Variants in NANS observed in about 807,000 individuals in gnomAD.
NANS encodes the protein N-acetylneuraminate synthase.
Under a neutral mutation model 33.3 loss-of-function variants are expected in NANS, and 29 were observed. The ratio of observed to expected loss-of-function variants is 0.87; its 90% CI spans 0.65 to 1.19. NANS has a LOEUF of 1.19. Ranked by LOEUF, NANS falls within the 50% of genes most tolerant of loss-of-function variation. The pLI is 0.00. For synonymous variants in NANS, 163 were observed against 177.2 expected, an observed-to-expected ratio of 0.92 and a Z score of 0.64; for missense variants, 394 against 461.1, an observed-to-expected ratio of 0.85 and a Z score of 1.33.
intron 2 of NANS, chr9:98,076,624 C>T: frequency 3.0e-6 from 1 of 332,492 alleles, no homozygotes. Flanking sequence ...ATCTGCCCGC[C>T]TCGGCCTCCC....
In NANS at chr9:98,080,991, C is replaced by A. The variant is rs764612122; in HGVS notation, c.779C>A (p.Ala260Asp). The A allele has an allele frequency of 1.2e-6, 2 of 1,614,162 alleles. No homozygotes were observed. Residue 260 changes from alanine to aspartate, a missense_variant, in exon 5 of 6, where the codon GCC becomes GAC. Ala to Asp is a moderately radical substitution (Grantham distance 126). Transcript: ENST00000210444. The stretch of plus-strand genomic sequence containing the variant: ...GCCTCGCTGGAGCCTGGAGAACTGG[C>A]CGAGCTGGTGCGGTCAGTGCGTCTT... ...HSASLEPGEL[A>D]ELVRSVRLVE...
intron 2 of NANS, 71 bp downstream of exon 2, chr9:98,061,068 C>T (rs778414046): frequency 5.6e-5 from 81 of 1,444,626 alleles, no homozygotes; most frequent in South Asian, 8.1e-5. Context: ...TGGTGACTTC[C>T]GGCTTAGGGC....
intron 2 of NANS, among the ~76,000 whole-genome samples, chr9:98,066,665 T>TG (rs2131629285): frequency 6.6e-6 from 1 of 152,104 alleles, no homozygotes; most frequent in Admixed American, 6.6e-5. Context: ...TTTTTTTTTT[T>TG]TTTGAGACAG....
chr9:98,059,286 G>A lies in NANS; in HGVS notation c.133-1496G>A, dbSNP rs185303955. 3.8e-4 allele frequency among the ~76,000 whole-genome samples: 58 copies of A among 152,342 alleles called. 2 individuals carry two copies. The East Asian group carries it at 0.01, about 26-fold the overall frequency. ...GATCTGCCCACCTCGGCCTCCCAGA[G>A]TGCTGGGATTACAGGTGTGAGCCAC... On this transcript the variant is annotated intron_variant, in intron 1 of 5. Transcript: ENST00000210444.
intron 2 of NANS, among the ~76,000 whole-genome samples, chr9:98,061,804 A>AATC (rs1828992480): frequency 6.6e-6 from 1 of 151,476 alleles, no homozygotes; most frequent in Admixed American, 6.6e-5. Context: ...TAATAATAAT[A>AATC]ATAATAGTAA....
intron 2 of NANS, among the ~76,000 whole-genome samples, chr9:98,067,907 A>G (rs1829197210): frequency 6.6e-6 from 1 of 151,984 alleles, no homozygotes; most frequent in Non-Finnish European, 1.5e-5. Context: ...TTTTTTGTAG[A>G]GACAAGATCT....
At position 98,058,280 on chromosome 9, in the gene NANS, A is replaced by G. The variant is rs1587901435; in HGVS notation, c.132+1340A>G. Among the ~76,000 whole-genome samples, 6 of 152,164 alleles carry G rather than the reference A, an allele frequency of 3.9e-5. No homozygotes were observed. The South Asian group carries it at 1.2e-3, about 31-fold the overall frequency. ...TCACTGAATCATAAAAATACTTTAC[A>G]AAAATAACATTGCTAACATTTTTTG... On this transcript the variant is annotated intron_variant, in intron 1 of 5. Coordinates refer to ENST00000210444, the MANE Select transcript of NANS (RefSeq NM_018946.4).
At chr9:98,066,195 T>C (rs1346864256) in intron 2 of NANS, among the ~76,000 whole-genome samples, 2 of 152,150 alleles carry the variant, frequency 1.3e-5, no homozygotes, top group Non-Finnish European at 2.9e-5. Context: ...AAAACAATAA[T>C]AACCAATCAG....
chr9:98,071,803 A>G (rs1380606743), intron 2 of NANS, among the ~76,000 whole-genome samples: 1 of 152,150 alleles, frequency 6.6e-6, no homozygotes, highest in East Asian at 1.9e-4. Context: ...TTGCACCTGG[A>G]TTGGGGACTT....
chr9:98,080,516 T>C (rs149857719), intron 4 of NANS, among the ~76,000 whole-genome samples: 1 of 152,386 alleles, frequency 6.6e-6, no homozygotes, highest in Non-Finnish European at 1.5e-5. Context: ...TTTATAGTTC[T>C]GTTGTTACTC....
intron 3 of NANS, 117 bp downstream of exon 3, chr9:98,077,134 AT>A: frequency 2.7e-6 from 2 of 746,886 alleles, no homozygotes; most frequent in Non-Finnish European, 4.2e-6. Flanking sequence ...GCCTCTTTTC[AT>A]TTTTTTAAAT....
chr9:98,082,937 G>A lies in NANS; in HGVS notation c.962G>A (p.Gly321Asp). ...MLTVKVGEPK[G>D]YPPEDIFNLV... ...ACCGTGAAGGTGGGTGAGCCCAAAGGCTATCCTCCTGAAGACATCTTTAAT... is the reference window on the plus strand; with the variant it reads ...ACCGTGAAGGTGGGTGAGCCCAAAGACTATCCTCCTGAAGACATCTTTAAT... The change falls in exon 6 of 6, where the codon GGC (glycine) becomes GAC (aspartate). Residue 321 changes from glycine to aspartate, a missense_variant. By Grantham distance (94) the Gly-to-Asp change is moderately conservative. Coordinates refer to ENST00000210444, the MANE Select transcript of NANS (RefSeq NM_018946.4). 1 of 1,614,162 alleles carries A rather than the reference G, an allele frequency of 6.2e-7. No homozygotes were observed. The highest frequency in any genetic ancestry group is 8.5e-7 in the Non-Finnish European group (1 of 1,180,024).
At chr9:98,078,074 T>C in intron 3 of NANS, 119 bp from the exon 4 acceptor site, 1 of 1,438,300 alleles carries the variant, frequency 7.0e-7, no homozygotes, top group South Asian at 1.3e-5. Flanking sequence ...GCTGGCACAG[T>C]GTTTTAAGAG....
In NANS at chr9:98,082,917, G is replaced by C. The variant is rs996782498; in HGVS notation, c.942G>C (p.Val314=). Residue 314 remains valine (V), a synonymous_variant, in exon 6 of 6, where the codon GTG becomes GTC. Coordinates refer to ENST00000210444, the MANE Select transcript of NANS (RefSeq NM_018946.4). ...TTCTAACAATGGACATGCTCACCGT[G>C]AAGGTGGGTGAGCCCAAAGGCTATC... ...GTILTMDMLT[V]KVGEPKGYPP... is the part of the protein sequence containing the mutation. 2 of 1,614,116 alleles carry C rather than the reference G, an allele frequency of 1.2e-6. No individual in the cohort carries two copies. Among genetic ancestry groups the C allele is most frequent in the African/African-American group, 2.7e-5 (2 of 74,922 alleles).
chr9:98,063,323 C>T (rs1032259483), intron 2 of NANS, among the ~76,000 whole-genome samples: 10 of 152,102 alleles, frequency 6.6e-5, no homozygotes, highest in African/African-American at 2.2e-4. Flanking sequence ...CTCACTGCAA[C>T]CTCTGCCTCC....
intron 1 of NANS, among the ~76,000 whole-genome samples, chr9:98,057,425 T>C (rs1424339816): frequency 6.6e-6 from 1 of 152,182 alleles, no homozygotes; most frequent in Non-Finnish European, 1.5e-5. Flanking sequence ...ATTCCCTGTA[T>C]ATGAAATATG....
intron 3 of NANS, among the ~76,000 whole-genome samples, chr9:98,077,633 G>C (rs776020315): frequency 3.9e-5 from 6 of 152,184 alleles, no homozygotes; most frequent in Non-Finnish European, 7.3e-5. Context: ...TAGGAGGATT[G>C]CTTGAGTTTG....
In NANS at chr9:98,060,998, G is replaced by A; in HGVS notation, c.348+1G>A. ...CTTCACTGCCTCTGGCATGGATGAG[G>A]TGAGTCCTCTGCTGCTCTGTCATTT... On this transcript the variant is annotated splice_donor_variant, in intron 2 of 5. Coordinates refer to ENST00000210444, the MANE Select transcript of NANS (RefSeq NM_018946.4). LOFTEE classifies it high-confidence loss of function. 3.1e-6 allele frequency: 5 copies of A among 1,613,330 alleles called. No homozygotes were observed. The highest frequency in any genetic ancestry group is 4.2e-6 in the Non-Finnish European group (5 of 1,179,956).
intron 2 of NANS, among the ~76,000 whole-genome samples, chr9:98,067,648 T>TTATA (rs1310442973): frequency 2.6e-5 from 4 of 152,252 alleles, no homozygotes; most frequent in Non-Finnish European, 5.9e-5. Flanking sequence ...TGTCTTTATA[T>TTATA]ATTTTAAGTA....
Sources: gnomAD v4.1 joint callset for allele counts (sites outside exome capture counted in the v4.1 genomes callset) on GRCh38, gnomAD v4.1.1 for gene constraint, MANE v1.5 for transcripts, NCBI Gene and HGNC (gene_info 2026-07-23, HGNC 2026-07-21) for gene names.